The following ATM variants were observed in gnomAD, a reference collection of about 807,000 sequenced individuals.
The protein encoded by ATM is ATM serine/threonine kinase.
In ATM, 308 loss-of-function variants were observed where a neutral mutation model predicts 387.0. That is an observed-to-expected ratio of 0.80 (90% CI 0.73 to 0.87). The LOEUF is 0.87. ATM is among the 40% of genes least tolerant of loss of function. The pLI, the probability that ATM is intolerant of heterozygous loss-of-function variation, is 0.00. For missense variants in ATM, 3,312 were observed against 3,560.9 expected, an observed-to-expected ratio of 0.93 and a Z score of 1.78; for synonymous variants, 1,156 against 1,187.3, an observed-to-expected ratio of 0.97 and a Z score of 0.54.
chr11:108,346,396 A>G lies in ATM; in HGVS notation c.8584+488A>G, dbSNP rs45527944. ...TATTTTGTGTACAATATATATTTTG[A>G]CTTTTTTTCCCTAAGAAATTAGAAT... On this transcript the variant is annotated intron_variant, in intron 58 of 62. Coordinates refer to ENST00000675843, the MANE Select transcript of ATM (RefSeq NM_000051.4). 1,111 of 153,222 alleles carry G rather than the reference A, an allele frequency of 7.3e-3. 8 individuals are homozygous for G. Among genetic ancestry groups the G allele is most frequent in the Non-Finnish European group, 0.012 (814 of 68,834 alleles). The allele number at this position is 153,222 out of a possible 1,614,324, so 9.5% of individuals were successfully genotyped here.
At chr11:108,295,230 C>G in intron 32 of ATM, 171 bp downstream of exon 32, 4 of 767,166 alleles carry the variant, frequency 5.2e-6, no homozygotes, top group Non-Finnish European at 8.5e-6. Context: ...GGTCTTCTCA[C>G]CCTGAACTCT....
At chr11:108,363,075 A>G (rs953630473) in intron 61 of ATM, among the ~76,000 whole-genome samples, 5 of 152,126 alleles carry the variant, frequency 3.3e-5, no homozygotes, top group Admixed American at 6.5e-5. Flanking sequence ...AATTTCCCCA[A>G]ATCATTTGGT....
At chr11:108,328,700 C>T (rs2085939668) in intron 48 of ATM, among the ~76,000 whole-genome samples, 1 of 152,166 alleles carries the variant, frequency 6.6e-6, no homozygotes, top group African/African-American at 2.4e-5. Flanking sequence ...CCCTGGGCCA[C>T]ATTGCAAGAA....
rs56046250 is a variant in ATM at position 108,312,486 on chromosome 11, A to T, written c.5994A>T (p.Gly1998=). The T allele has an allele frequency of 3.2e-6, 5 of 1,570,208 alleles. No homozygotes were observed. The South Asian group carries it at 4.4e-5, about 14-fold the overall frequency. The change falls in exon 40 of 63, where the codon GGA becomes GGT. Residue 1998 remains glycine (G), a synonymous_variant. Transcript: ENST00000675843. The part of the protein sequence containing the change: ...SLSEKSKEET[G]ISLQDLLLEI... ...GTGAAAAAAGTAAAGAAGAAACTGG[A>T]ATAAGTTTACAGGTAAATATTAGAG...
chr11:108,274,337 G>C (rs2081803429), intron 22 of ATM, among the ~76,000 whole-genome samples: 1 of 110,684 alleles, frequency 9.0e-6, no homozygotes, highest in Admixed American at 1.0e-4. Context: ...TTTTTTGAAA[G>C]GTTTTTTTTG....
chr11:108,325,213 T>A (rs1346266856), intron 45 of ATM, 97 bp from the exon 46 acceptor site: 1 of 830,030 alleles, frequency 1.2e-6, no homozygotes, highest in Admixed American at 2.6e-5. Flanking sequence ...CTTTGTATTA[T>A]TATAATATTA....
intron 43 of ATM, 135 bp from the exon 44 acceptor site, chr11:108,319,818 CA>C: frequency 4.6e-6 from 3 of 653,824 alleles, no homozygotes; most frequent in South Asian, 4.2e-5. Flanking sequence ...TATTTCTTAC[CA>C]AAAATTCTAG....
In ATM at chr11:108,367,985, T is replaced by G; in HGVS notation, c.*2477T>G. 4.9e-6 allele frequency: 1 copy of G among 205,380 alleles called. No individual in the cohort carries two copies. Among genetic ancestry groups the G allele is most frequent in the Non-Finnish European group, 1.0e-5 (1 of 100,294 alleles). 12.7% of individuals were successfully genotyped at this position (205,380 alleles called of 1,614,324 possible). ...AAATTAGAAATTATCAACTAGATAA[T>G]AGTATAGATAAATGAATTTGTAGCT... On this transcript the variant is annotated 3_prime_UTR_variant, in exon 63 of 63. Coordinates refer to ENST00000675843, the MANE Select transcript of ATM (RefSeq NM_000051.4).
chr11:108,263,280 A>T (rs1209089732), intron 16 of ATM, among the ~76,000 whole-genome samples: 1 of 137,854 alleles, frequency 7.3e-6, no homozygotes, highest in African/African-American at 2.8e-5. Context: ...ATTATAACAA[A>T]CTATCTCTCA....
rs781439798 is a variant in ATM, at chr11:108,330,170, A to G, written c.7308-44A>G. On this transcript the variant is annotated intron_variant, in intron 49 of 62. Transcript: ENST00000675843. ...TCATGTGTGATTTTGTAGTTCTGTT[A>G]AAGTTCATGGCTTTTGTGTTTTACC... 2.5e-6 allele frequency: 4 copies of G among 1,585,434 alleles called. No individual in the cohort carries two copies. In the African/African-American group the frequency reaches 4.1e-5, roughly 16 times the overall value.
At chr11:108,337,089 A>G (rs2086936619) in intron 56 of ATM, among the ~76,000 whole-genome samples, 2 of 152,168 alleles carry the variant, frequency 1.3e-5, no homozygotes, top group Admixed American at 1.3e-4. Flanking sequence ...AGGGGAGTGA[A>G]GAAGAATAAA....
At position 108,254,193 on chromosome 11, in the gene ATM, T is replaced by G. The variant is rs77805053; in HGVS notation, c.2124+154T>G. The stretch of plus-strand genomic sequence containing the variant: ...GTAAAGGGCTCTAAATTGGACAACT[T>G]AGCATAATTAAAGGAAAACTCAAGA... On this transcript the variant is annotated intron_variant, in intron 13 of 62. Transcript: ENST00000675843. 3.9e-5 allele frequency among the ~76,000 whole-genome samples: 6 copies of G among 152,326 alleles called. No individual in the cohort carries two copies. The East Asian group carries it at 1.2e-3, about 29-fold the overall frequency.
In ATM at chr11:108,332,869, C is replaced by G. The variant is rs1591179036; in HGVS notation, c.7896C>G (p.Asn2632Lys). The G allele has an allele frequency of 6.2e-7, 1 of 1,613,016 alleles. No homozygotes were observed. The change falls in exon 53 of 63, where the codon AAC becomes AAG. Residue 2632 changes from asparagine to lysine, a missense_variant. Coordinates refer to ENST00000675843, the MANE Select transcript of ATM (RefSeq NM_000051.4). ...ALCDAYIILA[N>K]LDATQWKTQR... ...GTGATGCTTATATTATATTAGCAAA[C>G]TTAGATGCCACTCAGTGGAAGACTC...
In ATM at chr11:108,250,962, A is replaced by C. The variant is rs2135324804; in HGVS notation, c.1497A>C (p.Gln499His). The change falls in exon 10 of 63, where the codon CAA becomes CAC. Residue 499 changes from glutamine to histidine, a missense_variant. By Grantham distance (24) the Gln-to-His change is conservative. Around this residue, in one of 4 missense-constraint regions of ATM, gnomAD observed 1,791 missense variants for 1,804.5 expected, o/e 0.99. Coordinates refer to ENST00000675843, the MANE Select transcript of ATM (RefSeq NM_000051.4). ...CCTTTCGTGGTATAAGTTCTGAGCA[A>C]ATACAAGCTGAAAACTTTGGCTTAC... ...CITFRGISSE[Q>H]IQAENFGLLG... The C allele has an allele frequency of 6.2e-7, 1 of 1,614,196 alleles. No homozygotes were observed.
At chr11:108,342,665 T>C (rs1342172315) in intron 56 of ATM, among the ~76,000 whole-genome samples, 1 of 152,220 alleles carries the variant, frequency 6.6e-6, no homozygotes, top group Non-Finnish European at 1.5e-5. Flanking sequence ...AATATCATTT[T>C]CTATACTTTA....
intron 32 of ATM, chr11:108,295,672 T>C (rs957921593): frequency 6.5e-6 from 1 of 153,706 alleles, no homozygotes; most frequent in African/African-American, 2.4e-5. Context: ...TTCTTTTTTT[T>C]TAAGACGGAG....
intron 60 of ATM, among the ~76,000 whole-genome samples, 190 bp downstream of exon 60, chr11:108,354,070 A>AAC (rs71047689): frequency 0.26 from 30,314 of 114,584 alleles, 3,180 homozygotes; most frequent in East Asian, 0.46. Context: ...CACACACACA[A>AAC]ACACACACAC....
chr11:108,333,020 T>C, intron 53 of ATM, 120 bp downstream of exon 53: 1 of 1,274,876 alleles, frequency 7.8e-7, no homozygotes, highest in Non-Finnish European at 1.1e-6. Context: ...TCCAAAAGCT[T>C]AATTTATATC....
chr11:108,360,294 GC>G (rs1226796806), intron 61 of ATM, among the ~76,000 whole-genome samples: 2 of 152,054 alleles, frequency 1.3e-5, no homozygotes, highest in East Asian at 3.9e-4. Flanking sequence ...TGAAATTGTG[GC>G]AATAATCAAT....
Sources: allele counts gnomAD v4.1 joint callset (sites outside exome capture counted in the v4.1 genomes callset), GRCh38; gene constraint gnomAD v4.1.1; regional missense constraint gnomAD v4.1.1; transcripts MANE v1.5; gene names NCBI Gene and HGNC (gene_info 2026-07-23, HGNC 2026-07-21).